FER1L6: variants seen among roughly 807,000 people sequenced by gnomAD.
The protein encoded by FER1L6 is fer-1-like protein 6.
In FER1L6, 177 loss-of-function variants were observed where a neutral mutation model predicts 219.2. The observed-to-expected ratio is 0.81, with a 90% CI of 0.71 to 0.91. FER1L6 has a LOEUF of 0.91. FER1L6 is among the 40% of genes least tolerant of loss of function. The pLI is 0.00. For missense variants in FER1L6, 2,153 were observed against 2,259.9 expected (o/e 0.95, Z 0.96); for synonymous variants, 768 against 824.3 (o/e 0.93, Z 1.17).
In FER1L6 at chr8:124,065,143, T is replaced by C. The variant is rs193094784; in HGVS notation, c.3555+570T>C. ...GCATGGTGGCTCACACCTGTAATCC[T>C]AGCACTTTGGGAGGCCGAGGTGAGT... is the stretch of plus-strand genomic sequence containing the variant. On this transcript the variant is annotated intron_variant, in intron 26 of 40. Coordinates refer to ENST00000522917, the MANE Select transcript of FER1L6 (RefSeq NM_001039112.2). 4.7e-3 allele frequency among the ~76,000 whole-genome samples: 719 copies of C among 152,030 alleles called. 4 individuals are homozygous for C. The highest frequency in any genetic ancestry group is 0.016 in the African/African-American group (669 of 41,498).
At chr8:124,095,561 A>C (rs1822247470) in intron 35 of FER1L6, among the ~76,000 whole-genome samples, 1 of 152,208 alleles carries the variant, frequency 6.6e-6, no homozygotes, top group African/African-American at 2.4e-5. Context: ...AAATACCTAG[A>C]GAGCTGGGCT....
intron 13 of FER1L6, among the ~76,000 whole-genome samples, chr8:124,003,609 C>T (rs540039158): frequency 4.2e-4 from 64 of 151,870 alleles, no homozygotes; most frequent in African/African-American, 1.4e-3. Context: ...TCTGGGACTA[C>T]AGGCACACAC....
intron 13 of FER1L6, among the ~76,000 whole-genome samples, chr8:124,009,216 C>T (rs958379986): frequency 2.0e-5 from 3 of 152,202 alleles, no homozygotes; most frequent in Admixed American, 6.5e-5. Context: ...AAACCATCCT[C>T]CTTCTGCACT....
intron 38 of FER1L6, among the ~76,000 whole-genome samples, chr8:124,102,537 T>C: frequency 6.6e-6 from 1 of 152,372 alleles, no homozygotes; most frequent in East Asian, 1.9e-4. Context: ...ATATATGCTC[T>C]GAATTTTCCA....
intron 12 of FER1L6, among the ~76,000 whole-genome samples, chr8:123,992,959 A>G (rs1816932031): frequency 6.6e-6 from 1 of 152,238 alleles, no homozygotes; most frequent in Non-Finnish European, 1.5e-5. Flanking sequence ...TTGTTAAACC[A>G]AAAATCATTC....
rs766353103 is a variant in FER1L6 at position 124,119,609 on chromosome 8, G to A, written c.5393G>A (p.Arg1798His). ...ATTTTCTCTTCCTTCCCCCTCAGCCGCCCAGACACCTCCTTTTCGTGGTTC... is the reference window on the plus strand; with the variant it reads ...ATTTTCTCTTCCTTCCCCCTCAGCCACCCAGACACCTCCTTTTCGTGGTTC... ...KEPEPLAKPN[R>H]PDTSFSWFMS... The change falls in exon 41 of 41, where the codon CGC becomes CAC. Residue 1798 changes from arginine to histidine, a missense_variant and splice_region_variant. Transcript: ENST00000522917. The A allele has an allele frequency of 1.3e-5, 21 of 1,608,288 alleles. No individual in the cohort carries two copies. In the Admixed American group the frequency reaches 1.8e-4, roughly 14 times the overall value.
chr8:124,068,588 G>C (rs1015214880), intron 28 of FER1L6, among the ~76,000 whole-genome samples: 4 of 152,170 alleles, frequency 2.6e-5, no homozygotes, highest in Admixed American at 1.3e-4. Flanking sequence ...GCCTCATATT[G>C]AACTAGATGT....
intron 31 of FER1L6, among the ~76,000 whole-genome samples, chr8:124,073,801 A>AAGAT: frequency 6.6e-6 from 1 of 152,226 alleles, no homozygotes; most frequent in Non-Finnish European, 1.5e-5. Flanking sequence ...GGGAATTAAG[A>AAGAT]AGATATAAAA....
chr8:123,923,829 C>T (rs1254565124), intron 1 of FER1L6, among the ~76,000 whole-genome samples: 5 of 150,788 alleles, frequency 3.3e-5, no homozygotes, highest in African/African-American at 1.2e-4. Flanking sequence ...CCCAGCTACT[C>T]GGGAGGCCAA....
At chr8:123,914,385 C>T (rs771390315) in intron 1 of FER1L6, among the ~76,000 whole-genome samples, 3 of 152,290 alleles carry the variant, frequency 2.0e-5, no homozygotes, top group Admixed American at 1.3e-4. Context: ...CATATATATA[C>T]GTCAGTGGGT....
chr8:123,936,481 T>TG (rs1406656157), intron 1 of FER1L6, among the ~76,000 whole-genome samples: 4 of 151,062 alleles, frequency 2.6e-5, no homozygotes, highest in African/African-American at 9.8e-5. Context: ...TTTTTTTTTT[T>TG]TTTTTGTAAA....
intron 1 of FER1L6, among the ~76,000 whole-genome samples, chr8:123,940,861 TA>T (rs1814213294): frequency 6.6e-6 from 1 of 152,190 alleles, no homozygotes; most frequent in Non-Finnish European, 1.5e-5. Flanking sequence ...TAGTCAGGGC[TA>T]AATGTTTAAG....
intron 1 of FER1L6, among the ~76,000 whole-genome samples, chr8:123,897,940 CAAAACAT>C (rs1417475521): frequency 6.6e-6 from 1 of 151,970 alleles, no homozygotes; most frequent in Non-Finnish European, 1.5e-5. Flanking sequence ...CAGCCATAGA[CAAAACAT>C]AAAAGAATGG....
intron 1 of FER1L6, among the ~76,000 whole-genome samples, chr8:123,951,691 A>G (rs1281607173): frequency 6.6e-6 from 1 of 152,254 alleles, no homozygotes; most frequent in Non-Finnish European, 1.5e-5. Flanking sequence ...CTTTGGATGG[A>G]AAGAATTCAT....
chr8:123,990,204 C>A (rs373576871), intron 12 of FER1L6, among the ~76,000 whole-genome samples: 1 of 152,124 alleles, frequency 6.6e-6, no homozygotes, highest in Non-Finnish European at 1.5e-5. Context: ...GGAGGCGGAT[C>A]TTGCAGTAAG....
chr8:124,082,328 C>T lies in FER1L6; in HGVS notation c.4261C>T (p.Leu1421Phe). Reference sequence around the variant, plus strand: ...AGCCACATTCCCAAAAGAGTCCCTGCTCTCCATCCTGATCTATGACCATGA... The same window carrying T: ...AGCCACATTCCCAAAAGAGTCCCTGTTCTCCATCCTGATCTATGACCATGA... ...IQATFPKESL[L>F]SILIYDHDMI... is the part of the protein sequence containing the mutation. Residue 1421 changes from leucine (L) to phenylalanine (F), a missense_variant, in exon 33 of 41, where the codon CTC (leucine) becomes TTC (phenylalanine). Coordinates refer to ENST00000522917, the MANE Select transcript of FER1L6 (RefSeq NM_001039112.2). 1 of 1,613,728 alleles carries T rather than the reference C, an allele frequency of 6.2e-7. No homozygotes were observed. The highest frequency in any genetic ancestry group is 8.5e-7 in the Non-Finnish European group (1 of 1,179,806).
intron 1 of FER1L6, among the ~76,000 whole-genome samples, chr8:123,922,924 C>T (rs1428772686): frequency 6.6e-6 from 1 of 152,092 alleles, no homozygotes; most frequent in Non-Finnish European, 1.5e-5. Context: ...CACTAAATCT[C>T]ATTGCCTGGC....
At chr8:123,879,060 T>C (rs545966064) in intron 1 of FER1L6, among the ~76,000 whole-genome samples, 2 of 152,326 alleles carry the variant, frequency 1.3e-5, no homozygotes, top group East Asian at 3.9e-4. Flanking sequence ...AGAAAGAAAG[T>C]GCCTAATAAT....
intron 37 of FER1L6, among the ~76,000 whole-genome samples, chr8:124,099,018 G>A (rs1013810779): frequency 1.3e-5 from 2 of 152,146 alleles, no homozygotes; most frequent in Non-Finnish European, 2.9e-5. Context: ...ACACCTTCTT[G>A]CCTTAACTTC....
Sources: gnomAD v4.1 joint callset for allele counts (sites outside exome capture counted in the v4.1 genomes callset) on GRCh38, gnomAD v4.1.1 for gene constraint, MANE v1.5 for transcripts, NCBI Gene and HGNC (gene_info 2026-07-23, HGNC 2026-07-21) for gene names.